Variants in IGFN1 observed in about 807,000 individuals in gnomAD.
The protein encoded by IGFN1 is immunoglobulin-like and fibronectin type III domain-containing protein 1.
In IGFN1, 253 loss-of-function variants were observed where a neutral mutation model predicts 289.5. The ratio of observed to expected loss-of-function variants is 0.87; its 90% CI spans 0.79 to 0.97. The LOEUF (loss-of-function observed/expected upper bound fraction) is 0.97. IGFN1 is among the 50% of genes least tolerant of loss of function. The pLI is 0.00. For missense variants in IGFN1, 4,470 were observed against 4,686.1 expected (o/e 0.95, Z 1.35); for synonymous variants, 1,706 against 1,788.5 (o/e 0.95, Z 1.16).
At chr1:201,199,549 C>G in intron 6 of IGFN1, 60 bp from the exon 7 acceptor site, 1 of 1,500,664 alleles carries the variant, frequency 6.7e-7, no homozygotes, top group Non-Finnish European at 9.1e-7. Flanking sequence ...CAGAAAAGCT[C>G]TGCATCAACC....
At chr1:201,205,510 G>A (rs1183918728) in intron 11 of IGFN1, among the ~76,000 whole-genome samples, 156 bp downstream of exon 11, 1 of 152,226 alleles carries the variant, frequency 6.6e-6, no homozygotes, top group East Asian at 1.9e-4. Flanking sequence ...AGACCTTCAT[G>A]GCCAACCCAA....
In IGFN1 at chr1:201,211,752, A is replaced by G. The variant is rs1413299656; in HGVS notation, c.6859A>G (p.Lys2287Glu). ...KISSGDEAGY[K>E]NVLGGSGRNP... ...CAGTTCAGGGGATGAGGCAGGTTAT[A>G]AGAATGTTTTAGGGGGTTCTGGGAG... The change falls in exon 12 of 24, where the codon AAG (lysine) becomes GAG (glutamate). Residue 2287 changes from lysine (K) to glutamate (E), a missense_variant. By Grantham distance (56) the Lys-to-Glu change is moderately conservative (BLOSUM62 1). Coordinates refer to ENST00000335211, the MANE Select transcript of IGFN1 (RefSeq NM_001164586.2). The G allele has an allele frequency of 5.2e-6, 8 of 1,536,900 alleles. No individual in the cohort carries two copies. The highest frequency in any genetic ancestry group is 2.4e-5 in the East Asian group (1 of 40,914).
In IGFN1 at chr1:201,200,380, TGAA is replaced by T. The variant is rs1558135685; in HGVS notation, c.607_609del (p.Lys203del). The T allele has an allele frequency of 1.3e-6, 2 of 1,551,696 alleles. No individual in the cohort carries two copies. The highest frequency in any genetic ancestry group is 1.7e-4 in the Middle Eastern group (1 of 5,992). On this transcript the variant is annotated inframe_deletion, in exon 8 of 24. Coordinates refer to ENST00000335211, the MANE Select transcript of IGFN1 (RefSeq NM_001164586.2). ...GGCATGTTGCGCAGGCTGCAGGAGATGAAGAAGGAACAGGAGGACAAGATGGCA... is the reference window on the plus strand; with the variant it reads ...GGCATGTTGCGCAGGCTGCAGGAGATGAAGGAACAGGAGGACAAGATGGCA...
chr1:201,211,636 C>G lies in IGFN1; in HGVS notation c.6743C>G (p.Ala2248Gly). 1.3e-6 allele frequency: 2 copies of G among 1,536,712 alleles called. No homozygotes were observed. Among genetic ancestry groups the G allele is most frequent in the Non-Finnish European group, 1.7e-6 (2 of 1,146,764 alleles). ...GGGGAAATGGGGTCAATGGATGAGG[C>G]AGATTATAGGAAGGATTTGGGAGCT... The part of the protein sequence containing the change: ...SSGEMGSMDE[A>G]DYRKDLGAPE... Residue 2248 changes from alanine (A) to glycine (G), a missense_variant, in exon 12 of 24, where the codon GCA becomes GGA. By Grantham distance (60) the Ala-to-Gly change is moderately conservative (BLOSUM62 0). Around this residue, in one of 8 missense-constraint regions of IGFN1, gnomAD observed 2,218 missense variants for 2,114.1 expected, o/e 1.05. Transcript: ENST00000335211.
intron 6 of IGFN1, 54 bp downstream of exon 6, chr1:201,199,432 C>G: frequency 1.3e-6 from 2 of 1,519,560 alleles, no homozygotes; most frequent in Non-Finnish European, 1.8e-6. Context: ...TAGGCTACTC[C>G]TTTCCTGGTG....
intron 2 of IGFN1, 22 bp downstream of exon 2, chr1:201,193,322 C>T: frequency 6.6e-7 from 1 of 1,526,674 alleles, no homozygotes; most frequent in African/African-American, 1.4e-5. Context: ...ACTAATCTCC[C>T]CTCCCCAGCC....
Position 201,199,322 on chromosome 1 carries a change from T to C in IGFN1, c.368-12T>C, listed in dbSNP as rs1032067897. 1 of 1,551,712 alleles carries C rather than the reference T, an allele frequency of 6.4e-7. No individual in the cohort carries two copies. The highest frequency in any genetic ancestry group is 1.4e-5 in the African/African-American group (1 of 73,022). On this transcript the variant is annotated splice_polypyrimidine_tract_variant and intron_variant, in intron 5 of 23. Transcript: ENST00000335211. ...CACATCGACTCCTTCCTCTCCTCCC[T>C]GGATGTTGCAGTTGGCTTTCGGAAG...
chr1:201,199,383 G>A lies in IGFN1; in HGVS notation c.412+5G>A. The A allele has an allele frequency of 2.6e-6, 4 of 1,551,862 alleles. No individual in the cohort carries two copies. Among genetic ancestry groups the A allele is most frequent in the African/African-American group, 2.7e-5 (2 of 73,164 alleles). On this transcript the variant is annotated splice_donor_5th_base_variant and intron_variant, in intron 6 of 23. Transcript: ENST00000335211. ...GGCACAGGGAACCGCAGGAAGGTAG[G>A]CAGATTTGTCAGAAACCTCCTTGGG...
In IGFN1 at chr1:201,195,910, G is replaced by A. The variant is rs1179818606; in HGVS notation, c.199G>A (p.Gly67Ser). The change falls in exon 4 of 24, where the codon GGT (glycine) becomes AGT (serine). Residue 67 changes from glycine (G) to serine (S), a missense_variant. Around this residue, in one of 8 missense-constraint regions of IGFN1, gnomAD observed 2,011 missense variants for 1,953.4 expected, o/e 1.03. Coordinates refer to ENST00000335211, the MANE Select transcript of IGFN1 (RefSeq NM_001164586.2). ...RPEVRWQNSKGDLSDSSKYKI... is the reference protein window; with the variant it reads ...RPEVRWQNSKSDLSDSSKYKI... Reference sequence around the variant, plus strand: ...CGAGGTGCGTTGGCAGAACTCCAAAGGTGACCTCAGTGATTCCAGCAAGTA... The same window carrying A: ...CGAGGTGCGTTGGCAGAACTCCAAAAGTGACCTCAGTGATTCCAGCAAGTA... 4.5e-6 allele frequency: 7 copies of A among 1,551,690 alleles called. No individual in the cohort carries two copies. The Admixed American group carries it at 1.4e-4, about 30-fold the overall frequency.
At position 201,213,506 on chromosome 1, in the gene IGFN1, C is replaced by G. The variant is rs770129690; in HGVS notation, c.8613C>G (p.Ser2871Arg). 6.2e-6 allele frequency: 10 copies of G among 1,614,018 alleles called. No individual in the cohort carries two copies. Among genetic ancestry groups the G allele is most frequent in the Non-Finnish European group, 8.5e-6 (10 of 1,179,946 alleles). Residue 2871 changes from serine to arginine, a missense_variant, in exon 12 of 24, where the codon AGC becomes AGG. Ser to Arg is a moderately radical substitution (Grantham distance 110, BLOSUM62 -1). Coordinates refer to ENST00000335211, the MANE Select transcript of IGFN1 (RefSeq NM_001164586.2). ...GGGAGCCCCCTGGTCACCTTGGTAG[C>G]AGGAGAAGTGGCAAAGACGGCAGGT... Reference protein sequence around the residue: ...QSREPPGHLGSRRSGKDGRLD... With the variant: ...QSREPPGHLGRRRSGKDGRLD...
Position 201,213,401 on chromosome 1 carries a change from C to A in IGFN1, c.8508C>A (p.Asp2836Glu). 1 of 1,613,802 alleles carries A rather than the reference C, an allele frequency of 6.2e-7. No individual in the cohort carries two copies. The highest frequency in any genetic ancestry group is 8.5e-7 in the Non-Finnish European group (1 of 1,179,858). ...EVGGGKRRGA[D>E]EAGSMGWQPM... ...GAGGAGGAAAGAGAAGGGGAGCAGA[C>A]GAGGCTGGAAGCATGGGGTGGCAGC... The change falls in exon 12 of 24, where the codon GAC becomes GAA. Residue 2836 changes from aspartate (D) to glutamate (E), a missense_variant. Physicochemically the swap from Asp to Glu is conservative, Grantham distance 45 (BLOSUM62 2). Coordinates refer to ENST00000335211, the MANE Select transcript of IGFN1 (RefSeq NM_001164586.2).
rs1185007020 is a variant in IGFN1 at position 201,215,039 on chromosome 1, T to A, written c.8880T>A (p.Phe2960Leu). 1 of 1,614,120 alleles carries A rather than the reference T, an allele frequency of 6.2e-7. No individual in the cohort carries two copies. The highest frequency in any genetic ancestry group is 2.2e-5 in the East Asian group (1 of 44,886). ...VKLTTQDGVI[F>L]KQDGLVHSLF... ...TCACCACCCAGGATGGAGTCATCTT[T>A]AAGCAAGACGGTCTCGTGCACAGCC... The change falls in exon 14 of 24, where the codon TTT (phenylalanine) becomes TTA (leucine). Residue 2960 changes from phenylalanine (F) to leucine (L), a missense_variant. By Grantham distance (22) the Phe-to-Leu change is conservative. Coordinates refer to ENST00000335211, the MANE Select transcript of IGFN1 (RefSeq NM_001164586.2).
intron 9 of IGFN1, 96 bp from the exon 10 acceptor site, chr1:201,203,642 G>A (rs937731572): frequency 1.9e-5 from 22 of 1,183,440 alleles, no homozygotes; most frequent in Admixed American, 2.4e-5. Context: ...GACTGGGCCC[G>A]TGGGAGAAAA....
chr1:201,211,220 T>C lies in IGFN1; in HGVS notation c.6327T>C (p.Asp2109=). The C allele has an allele frequency of 6.5e-7, 1 of 1,529,502 alleles. No individual in the cohort carries two copies. The highest frequency in any genetic ancestry group is 2.5e-5 in the East Asian group (1 of 40,512). 94.7% of individuals were successfully genotyped at this position (1,529,502 alleles called of 1,614,324 possible). The stretch of plus-strand genomic sequence containing the variant: ...TGGATGAGGCAGGTTATAGGAAGGA[T>C]TTGGGGGCTCCTGAGGGAATAGGTT... The part of the protein sequence containing the change: ...ESMDEAGYRK[D]LGAPEGIGSG... The change falls in exon 12 of 24, where the codon GAT becomes GAC. Residue 2109 remains aspartate (D), a synonymous_variant. Transcript: ENST00000335211.
At position 201,213,599 on chromosome 1, in the gene IGFN1, C is replaced by G. The variant is rs371390250; in HGVS notation, c.8706C>G (p.Gly2902=). The change falls in exon 12 of 24, where the codon GGC becomes GGG. Residue 2902 remains glycine, a synonymous_variant. Transcript: ENST00000335211. ...SSTSRYKPGT[G]SFSKDAQGPM... is the part of the protein sequence containing the mutation. ...CATCCAGATACAAGCCTGGCACTGG[C>G]AGTTTCTCCAAGGATGCCCAAGGTA... is the stretch of plus-strand genomic sequence containing the variant. 28 of 1,613,618 alleles carry G rather than the reference C, an allele frequency of 1.7e-5. No homozygotes were observed. In the East Asian group the frequency reaches 6.0e-4, roughly 35 times the overall value.
At chr1:201,203,668 A>T in intron 9 of IGFN1, 70 bp from the exon 10 acceptor site, 2 of 1,439,870 alleles carry the variant, frequency 1.4e-6, no homozygotes, top group Admixed American at 4.3e-5. Context: ...GGTTATAGCC[A>T]GAATGGGACT....
chr1:201,224,559 G>T (rs560231260), intron 20 of IGFN1, 120 bp from the exon 21 acceptor site: 2 of 747,988 alleles, frequency 2.7e-6, no homozygotes, highest in East Asian at 5.5e-5. Flanking sequence ...TTTTCTGGTC[G>T]ACTTTCTCCT....
chr1:201,217,453 G>A lies in IGFN1; in HGVS notation c.9762G>A (p.Pro3254=), dbSNP rs756430432. The A allele has an allele frequency of 1.4e-5, 23 of 1,613,918 alleles. No homozygotes were observed. Among genetic ancestry groups the A allele is most frequent in the East Asian group, 8.9e-5 (4 of 44,884 alleles). Residue 3254 remains proline, a synonymous_variant, in exon 17 of 24, where the codon CCG becomes CCA. Transcript: ENST00000335211. The part of the protein sequence containing the change: ...SNTWTAVNDQ[P]VPERRWTVAD... ...CCTGGACGGCAGTGAACGACCAGCC[G>A]GTGCCTGGTGAGCATTGTCCTGGCT...
rs201782986 is a variant in IGFN1, at chr1:201,207,430, G to A, written c.2537G>A (p.Ser846Asn). ...GTSPWDDTPS[S>N]LRKTGAHHGP... ...AGTCCTTGGGATGACACACCATCTA[G>A]CCTCAGAAAAACTGGGGCCCACCAT... The change falls in exon 12 of 24, where the codon AGC (serine) becomes AAC (asparagine). Residue 846 changes from serine to asparagine, a missense_variant. Ser to Asn is a conservative substitution (Grantham distance 46, BLOSUM62 1). Transcript: ENST00000335211. 371 of 1,529,882 alleles carry A rather than the reference G, an allele frequency of 2.4e-4. 1 individual carries two copies. The African/African-American group carries it at 4.5e-3, about 19-fold the overall frequency. The allele number at this position is 1,529,882 out of a possible 1,614,324, so 94.8% of individuals were successfully genotyped here. A position where few individuals can be genotyped will look rare whatever the true frequency, so the allele number is the denominator to read the frequency against.
Sources: gnomAD v4.1 joint callset for allele counts (sites outside exome capture counted in the v4.1 genomes callset) on GRCh38, gnomAD v4.1.1 for gene constraint, gnomAD v4.1.1 regional missense constraint, MANE v1.5 for transcripts, NCBI Gene and HGNC (gene_info 2026-07-23, HGNC 2026-07-21) for gene names.